ZCCHC4: variants seen among roughly 807,000 people sequenced by gnomAD.
ZCCHC4 encodes the protein rRNA N(6)-adenosine-methyltransferase ZCCHC4.
A neutral mutation model predicts 67.7 loss-of-function variants in ZCCHC4; 54 were observed. The ratio of observed to expected loss-of-function variants is 0.80; its 90% confidence interval spans 0.64 to 1.00. The LOEUF (loss-of-function observed/expected upper bound fraction) is 1.00. Ranked by LOEUF, ZCCHC4 falls within the 50% of genes least tolerant of loss-of-function variation. ZCCHC4 has a pLI of 0.00. For synonymous variants in ZCCHC4, 198 were observed against 213.5 expected (o/e 0.93, Z 0.63); for missense variants, 609 against 617.0 (o/e 0.99, Z 0.14).
chr4:25,329,051 G>A (rs1311153184), intron 3 of ZCCHC4, among the ~76,000 whole-genome samples: 1 of 152,006 alleles, frequency 6.6e-6, no homozygotes, highest in Non-Finnish European at 1.5e-5. Context: ...GCCAGGTGTG[G>A]TGGCAAGCAC....
intron 3 of ZCCHC4, among the ~76,000 whole-genome samples, chr4:25,324,190 G>A (rs1259961404): frequency 7.8e-6 from 1 of 127,748 alleles, no homozygotes; most frequent in Admixed American, 7.9e-5. Context: ...TTTTTTTTTT[G>A]TATTTTAGTG....
intron 3 of ZCCHC4, among the ~76,000 whole-genome samples, chr4:25,332,836 G>A (rs1719253612): frequency 6.6e-6 from 1 of 152,182 alleles, no homozygotes; most frequent in Admixed American, 6.6e-5. Context: ...ATAAAAGTTA[G>A]ACATGTGGAT....
At chr4:25,332,134 C>G (rs895786397) in intron 3 of ZCCHC4, among the ~76,000 whole-genome samples, 2 of 151,948 alleles carry the variant, frequency 1.3e-5, no homozygotes, top group Non-Finnish European at 2.9e-5. Flanking sequence ...ATGGTGAAAC[C>G]CTGTCTCTAC....
At chr4:25,323,711 C>T (rs898527697) in intron 3 of ZCCHC4, among the ~76,000 whole-genome samples, 1 of 152,186 alleles carries the variant, frequency 6.6e-6, no homozygotes, top group African/African-American at 2.4e-5. Context: ...GTGGAAAATT[C>T]ACTTTTCCCC....
chr4:25,320,835 C>G (rs1423166219), intron 3 of ZCCHC4, among the ~76,000 whole-genome samples: 1 of 152,220 alleles, frequency 6.6e-6, no homozygotes, highest in Non-Finnish European at 1.5e-5. Context: ...TGACAAGGCA[C>G]AAAGATGTAT....
At chr4:25,326,937 A>T (rs1016831512) in intron 3 of ZCCHC4, among the ~76,000 whole-genome samples, 7 of 152,202 alleles carry the variant, frequency 4.6e-5, no homozygotes, top group Admixed American at 4.6e-4. Context: ...GAAGTATTTC[A>T]TGTATTTTAA....
chr4:25,359,422 C>G lies in ZCCHC4; in HGVS notation c.1012-2437C>G, dbSNP rs896494276. On this transcript the variant is annotated intron_variant, in intron 8 of 12. Coordinates refer to ENST00000302874, the MANE Select transcript of ZCCHC4 (RefSeq NM_024936.3). This position sits in a 1 kb window ranked among gnomAD's most constrained non-coding sequence, Gnocchi z 4.9. ...GGCACAGGCGGGGCACCTGGAGGCT[C>G]GGCTACAGAGCTTGGAAAAGGAATT... is the stretch of plus-strand genomic sequence containing the variant. Among the ~76,000 whole-genome samples the G allele has an allele frequency of 6.6e-6, 1 of 152,040 alleles. No individual in the cohort carries two copies. The highest frequency in any genetic ancestry group is 2.4e-5 in the African/African-American group (1 of 41,406).
rs1446083225 is a variant in ZCCHC4 at position 25,361,867 on chromosome 4, T to C, written c.1020T>C (p.Tyr340=). 1.9e-6 allele frequency: 3 copies of C among 1,604,734 alleles called. No homozygotes were observed. In the African/African-American group the frequency reaches 4.0e-5, roughly 22 times the overall value. ...AATTTTTAACTTTCTAGGTAGATTA[T>C]GATAATCATGCACTTTATAAACACG... ...SFQMLDYQVD[Y]DNHALYKHGK... Residue 340 remains tyrosine (Y), a synonymous_variant, in exon 9 of 13, where the codon TAT becomes TAC. Coordinates refer to ENST00000302874, the MANE Select transcript of ZCCHC4 (RefSeq NM_024936.3).
intron 3 of ZCCHC4, among the ~76,000 whole-genome samples, chr4:25,319,556 A>G (rs1036475511): frequency 2.0e-5 from 3 of 152,162 alleles, no homozygotes; most frequent in African/African-American, 4.8e-5. Context: ...TTTGTAATCA[A>G]TGTTCCTATG....
At chr4:25,328,052 AT>A (rs2109059296) in intron 3 of ZCCHC4, among the ~76,000 whole-genome samples, 1 of 151,794 alleles carries the variant, frequency 6.6e-6, no homozygotes, top group Non-Finnish European at 1.5e-5. Flanking sequence ...TTGCCTTGTA[AT>A]TTTTTTTCCT....
intron 8 of ZCCHC4, among the ~76,000 whole-genome samples, chr4:25,352,721 C>A (rs760476868): frequency 6.6e-6 from 1 of 152,210 alleles, no homozygotes; most frequent in African/African-American, 2.4e-5. Context: ...AGCCTGCTTC[C>A]TCTTTTTGTA....
intron 3 of ZCCHC4, among the ~76,000 whole-genome samples, chr4:25,327,020 G>C (rs1718916201): frequency 6.6e-6 from 1 of 152,120 alleles, no homozygotes; most frequent in African/African-American, 2.4e-5. Context: ...CAATACAGTT[G>C]ATTTTATATA....
At position 25,349,594 on chromosome 4, in the gene ZCCHC4, A is replaced by G. The variant is rs1201445927; in HGVS notation, c.862A>G (p.Ile288Val). The change falls in exon 7 of 13, where the codon ATT becomes GTT. Residue 288 changes from isoleucine to valine, a missense_variant. Ile to Val is a conservative substitution (Grantham distance 29). Coordinates refer to ENST00000302874, the MANE Select transcript of ZCCHC4 (RefSeq NM_024936.3). ...PFGGLVEPLA[I>V]TFKKLIAMWK... ...TGGTGGCTTGGTTGAACCTCTGGCT[A>G]TTACATTCAAGAAGTTAATTGCTAT... The G allele has an allele frequency of 3.1e-6, 5 of 1,613,890 alleles. No individual in the cohort carries two copies. The Admixed American group carries it at 6.7e-5, about 22-fold the overall frequency.
chr4:25,342,380 C>T (rs1577747769), intron 5 of ZCCHC4, among the ~76,000 whole-genome samples: 1 of 152,122 alleles, frequency 6.6e-6, no homozygotes, highest in South Asian at 2.1e-4. Flanking sequence ...CAGCCTCAAA[C>T]TCCAGTGTTC....
Position 25,361,655 on chromosome 4 carries a change from T to G in ZCCHC4, c.1012-204T>G, listed in dbSNP as rs1720743886. 7.2e-6 allele frequency: 4 copies of G among 553,034 alleles called. No individual in the cohort carries two copies. In the South Asian group the frequency reaches 1.0e-4, roughly 14 times the overall value. 34.3% of individuals were successfully genotyped at this position (553,034 alleles called of 1,614,324 possible). On this transcript the variant is annotated intron_variant, in intron 8 of 12. Transcript: ENST00000302874. The stretch of plus-strand genomic sequence containing the variant: ...GAGAAAAAGCCATGTCGAAACTGTC[T>G]ATGATCCTTGAGTGTTATTCCAGCT...
chr4:25,364,386 T>C, intron 10 of ZCCHC4, 68 bp from the exon 11 acceptor site: 1 of 1,220,842 alleles, frequency 8.2e-7, no homozygotes, highest in Non-Finnish European at 1.1e-6. Context: ...ATTTTAATTT[T>C]TAATTGTAGA....
intron 12 of ZCCHC4, 27 bp from the exon 13 acceptor site, chr4:25,369,002 G>T: frequency 6.3e-7 from 1 of 1,593,594 alleles, no homozygotes; most frequent in South Asian, 1.2e-5. Flanking sequence ...CTCATTCTGT[G>T]AAATAATTTA....
intron 10 of ZCCHC4, among the ~76,000 whole-genome samples, chr4:25,364,208 G>T (rs1423008842): frequency 2.0e-5 from 3 of 152,072 alleles, no homozygotes; most frequent in African/African-American, 7.2e-5. Context: ...GGATTTTCAA[G>T]ATCATTTAGA....
At chr4:25,322,561 G>C (rs6852020) in intron 3 of ZCCHC4, among the ~76,000 whole-genome samples, 66,298 of 151,804 alleles carry the variant, frequency 0.44, 16,396 homozygotes, top group Non-Finnish European at 0.56. Context: ...GTCACCCAGG[G>C]TGGAGTGCAG....
Sources: gnomAD v4.1 joint callset for allele counts (sites outside exome capture counted in the v4.1 genomes callset) on GRCh38, gnomAD v4.1.1 for gene constraint, Gnocchi (gnomAD v3.1) non-coding constraint, MANE v1.5 for transcripts, NCBI Gene and HGNC (gene_info 2026-07-23, HGNC 2026-07-21) for gene names.